IL1RAPL2: variants seen among roughly 807,000 people sequenced by gnomAD.
IL1RAPL2 encodes interleukin 1 receptor accessory protein like 2.
IL1RAPL2 carries 3 observed loss-of-function variants against 44.1 expected under a neutral mutation model. That is an observed-to-expected ratio of 0.07 (90% CI 0.03 to 0.18). The LOEUF is 0.18. Among genes scored for constraint, IL1RAPL2 ranks in the 10% least tolerant of loss-of-function variants. The pLI, the probability that IL1RAPL2 is intolerant of heterozygous loss-of-function variation, is 1.00. For synonymous variants in IL1RAPL2, 181 were observed against 178.8 expected, an observed-to-expected ratio of 1.01 and a Z score of -0.10; for missense variants, 391 against 496.4, an observed-to-expected ratio of 0.79 and a Z score of 2.02.
chrX:105,508,744 G>A (rs998138727), intron 6 of IL1RAPL2, among the ~76,000 whole-genome samples: 3 of 110,489 alleles, frequency 2.7e-5, no homozygotes, highest in African/African-American at 9.9e-5. Context: ...TCAACACTGG[G>A]AGCCTTATGC....
chrX:104,950,028 C>A (rs1339702089), intron 2 of IL1RAPL2, among the ~76,000 whole-genome samples: 1 of 111,043 alleles, frequency 9.0e-6, no homozygotes, highest in African/African-American at 3.3e-5. Flanking sequence ...GTGTTAACGT[C>A]TCCCTTTATT....
chrX:104,701,803 T>C (rs1931278173), intron 2 of IL1RAPL2, among the ~76,000 whole-genome samples: 1 of 111,814 alleles, frequency 8.9e-6, no homozygotes, highest in South Asian at 3.7e-4. Context: ...TCCCAGTTGG[T>C]AATGACTTTT....
chrX:104,672,118 T>G lies in IL1RAPL2; in HGVS notation c.82+13123T>G, dbSNP rs948534670. Among the ~76,000 whole-genome samples, 3 of 111,334 alleles carry G rather than the reference T, an allele frequency of 2.7e-5. No homozygotes were observed. The South Asian group carries it at 1.1e-3, about 42-fold the overall frequency. ...TGCTTTCTTTCTTTTTTTTTTATAC[T>G]TTAAGTTTTAGGGTACATGTGCACA... On this transcript the variant is annotated intron_variant, in intron 2 of 10. Coordinates refer to ENST00000372582, the MANE Select transcript of IL1RAPL2 (RefSeq NM_017416.2).
At position 104,776,735 on chromosome X, in the gene IL1RAPL2, A is replaced by G. The variant is rs1417420062; in HGVS notation, c.82+117740A>G. Reference sequence around the variant, plus strand: ...TGTTTTACAATAGTTTTAGATTTATAGAACGATTAAGATAGTACAGAGTTC... The same window carrying G: ...TGTTTTACAATAGTTTTAGATTTATGGAACGATTAAGATAGTACAGAGTTC... On this transcript the variant is annotated intron_variant, in intron 2 of 10. Transcript: ENST00000372582. Among the ~76,000 whole-genome samples the G allele has an allele frequency of 1.6e-4, 18 of 112,242 alleles. No individual in the cohort carries two copies. In the Admixed American group the frequency reaches 1.7e-3, roughly 11 times the overall value.
chrX:105,049,619 A>G (rs1443969434), intron 2 of IL1RAPL2, among the ~76,000 whole-genome samples: 3 of 111,837 alleles, frequency 2.7e-5, no homozygotes, highest in Non-Finnish European at 3.8e-5. Flanking sequence ...AACAAATCTC[A>G]TAATAGTGTT....
rs181884039 is a variant in IL1RAPL2, at chrX:105,286,618, T to A, written c.697+19077T>A. 6.1e-4 allele frequency among the ~76,000 whole-genome samples: 63 copies of A among 103,663 alleles called. No individual in the cohort carries two copies. The East Asian group carries it at 0.015, about 25-fold the overall frequency. The allele number at this position is 103,663 out of a possible 115,157, so 90.0% of individuals were successfully genotyped here. A position where few individuals can be genotyped will look rare whatever the true frequency, so the allele number is the denominator to read the frequency against. On this transcript the variant is annotated intron_variant, in intron 5 of 10. Transcript: ENST00000372582. ...TAGAACAAAACAGCCTTTTTTTTTT[T>A]TAAAAAAACAACTTCTATTAACACA...
intron 5 of IL1RAPL2, among the ~76,000 whole-genome samples, chrX:105,350,408 T>C (rs1275553571): frequency 8.9e-6 from 1 of 112,710 alleles, no homozygotes; most frequent in Non-Finnish European, 1.9e-5. Context: ...AAATGAAATT[T>C]ACTTATTTTA....
intron 5 of IL1RAPL2, among the ~76,000 whole-genome samples, chrX:105,290,987 C>T (rs959734618): frequency 9.0e-6 from 1 of 111,667 alleles, no homozygotes; most frequent in Non-Finnish European, 1.9e-5. Flanking sequence ...ATGAGATCCA[C>T]AGCTGGGCCC....
chrX:105,639,762 T>C (rs2037551116), intron 6 of IL1RAPL2, among the ~76,000 whole-genome samples: 2 of 110,875 alleles, frequency 1.8e-5, no homozygotes, highest in African/African-American at 6.6e-5. Flanking sequence ...TACCTTTCCT[T>C]TCCTCCCTGC....
intron 2 of IL1RAPL2, among the ~76,000 whole-genome samples, chrX:104,819,012 G>A (rs143400673): frequency 0.013 from 1,485 of 111,864 alleles, 6 homozygotes; most frequent in Non-Finnish European, 0.021. Flanking sequence ...GCCCAAGCTG[G>A]CTTGCATGTG....
intron 3 of IL1RAPL2, among the ~76,000 whole-genome samples, chrX:105,201,048 C>T (rs1040934748): frequency 7.2e-5 from 8 of 111,661 alleles, no homozygotes; most frequent in Non-Finnish European, 1.5e-4. Context: ...TTTACCTCTG[C>T]AACGAGGTAA....
At chrX:104,959,025 G>A (rs2029953800) in intron 2 of IL1RAPL2, among the ~76,000 whole-genome samples, 1 of 111,254 alleles carries the variant, frequency 9.0e-6, no homozygotes, top group Non-Finnish European at 1.9e-5. Context: ...GGTTTTATGG[G>A]GGCAGTCTGT....
chrX:104,958,961 T>C (rs928238049), intron 2 of IL1RAPL2, among the ~76,000 whole-genome samples: 7 of 110,870 alleles, frequency 6.3e-5, no homozygotes, highest in Non-Finnish European at 1.3e-4. Context: ...ATGAGAAATA[T>C]TGTGTCTCCT....
intron 2 of IL1RAPL2, among the ~76,000 whole-genome samples, chrX:104,828,856 G>T (rs909166108): frequency 2.7e-5 from 3 of 112,801 alleles, no homozygotes; most frequent in Non-Finnish European, 5.6e-5. Context: ...GAGGTAGTCT[G>T]ACTACAGCGG....
intron 2 of IL1RAPL2, among the ~76,000 whole-genome samples, chrX:104,826,938 C>CTTTTTTTTTTTTTTT (rs1176113214): frequency 4.3e-4 from 15 of 34,865 alleles, no homozygotes; most frequent in East Asian, 9.8e-4. Context: ...GCAACCCCTG[C>CTTTTTTTTTTTTTTT]TTTTTTTTTT....
intron 5 of IL1RAPL2, among the ~76,000 whole-genome samples, chrX:105,341,505 C>T (rs1240319736): frequency 8.9e-6 from 1 of 111,767 alleles, no homozygotes; most frequent in Non-Finnish European, 1.9e-5. Flanking sequence ...AGAATTAACT[C>T]TTAACTGGCA....
At chrX:104,913,642 T>C (rs1972192250) in intron 2 of IL1RAPL2, among the ~76,000 whole-genome samples, 2 of 112,004 alleles carry the variant, frequency 1.8e-5, no homozygotes, top group Non-Finnish European at 3.8e-5. Flanking sequence ...TTAAAGGTAA[T>C]GGACACTCTA....
intron 2 of IL1RAPL2, among the ~76,000 whole-genome samples, chrX:104,684,705 T>C (rs992932746): frequency 2.7e-5 from 3 of 112,419 alleles, no homozygotes; most frequent in Non-Finnish European, 5.6e-5. Flanking sequence ...TGTTGTGACA[T>C]TGTTCATTTA....
At chrX:105,429,630 C>A (rs2035834288) in intron 5 of IL1RAPL2, among the ~76,000 whole-genome samples, 1 of 111,604 alleles carries the variant, frequency 9.0e-6, no homozygotes. Context: ...ACCCAGGGGT[C>A]AGCGGACATT....
Sources: gnomAD v4.1 joint callset for allele counts (sites outside exome capture counted in the v4.1 genomes callset) on GRCh38, gnomAD v4.1.1 for gene constraint, MANE v1.5 for transcripts, NCBI Gene and HGNC (gene_info 2026-07-23, HGNC 2026-07-21) for gene names.